The following LEMD1 variants were observed in gnomAD, a reference collection of about 807,000 sequenced individuals.
LEMD1 encodes the protein LEM domain containing 1, also known as LEM domain-containing protein 1.
Under a neutral mutation model 17.4 loss-of-function variants are expected in LEMD1, and 18 were observed. That is an observed-to-expected ratio of 1.04 (90% CI 0.72 to 1.54). The LOEUF is 1.54. Among genes scored for constraint, LEMD1 ranks in the 40% most tolerant of loss-of-function variants. LEMD1 has a pLI of 0.00. For missense variants in LEMD1, 195 were observed against 210.4 expected, an observed-to-expected ratio of 0.93 and a Z score of 0.45; for synonymous variants, 88 against 77.8, an observed-to-expected ratio of 1.13 and a Z score of -0.69.
chr1:205,394,285 T>C (rs568606844), intron 4 of LEMD1, among the ~76,000 whole-genome samples: 3 of 152,242 alleles, frequency 2.0e-5, no homozygotes, highest in African/African-American at 7.2e-5. Context: ...AAAAATGTTT[T>C]GGAACTAAAA....
At chr1:205,422,364 C>T (rs930287080), upstream of LEMD1, among the ~76,000 whole-genome samples, 65 of 152,252 alleles carry the variant, frequency 4.3e-4, no homozygotes, top group African/African-American at 1.5e-3. Context: ...TCTAGACCAC[C>T]CATCAAAAGG....
At chr1:205,408,861 A>AAAC (rs917399315) in intron 4 of LEMD1, among the ~76,000 whole-genome samples, 4 of 73,420 alleles carry the variant, frequency 5.4e-5, no homozygotes, top group East Asian at 4.9e-4. Context: ...TGACTTAAAC[A>AAAC]AACAACAACA....
At chr1:205,449,846 G>C (rs1666464430) in intron 1 of LEMD1, 1 of 152,556 alleles carries the variant, frequency 6.6e-6, no homozygotes, top group African/African-American at 2.4e-5. Flanking sequence ...GCCAGGGGCT[G>C]GGGGTCCCAG....
intron 1 of LEMD1, among the ~76,000 whole-genome samples, chr1:205,430,064 C>T (rs371182464): frequency 6.6e-6 from 1 of 152,328 alleles, no homozygotes; most frequent in East Asian, 1.9e-4. Context: ...GGCCAGGCAG[C>T]GTCTGTCTCA....
intron 3 of LEMD1, among the ~76,000 whole-genome samples, chr1:205,418,344 C>A (rs560559359): frequency 8.1e-4 from 123 of 152,252 alleles, no homozygotes; most frequent in Non-Finnish European, 1.5e-3. Context: ...AAGCTAGAAA[C>A]CACTGCAGGA....
chr1:205,446,935 T>TC (rs1205844379), intron 1 of LEMD1, among the ~76,000 whole-genome samples: 5 of 151,618 alleles, frequency 3.3e-5, no homozygotes, highest in Admixed American at 6.6e-5. Context: ...ATCCCCCCGC[T>TC]CCCCCCGACC....
At chr1:205,446,169 T>C (rs1348544357) in intron 1 of LEMD1, among the ~76,000 whole-genome samples, 2 of 152,214 alleles carry the variant, frequency 1.3e-5, no homozygotes, top group African/African-American at 2.4e-5. Flanking sequence ...TCAATGCAAT[T>C]GAACAATCAT....
At chr1:205,440,119 G>A (rs982860522) in intron 1 of LEMD1, among the ~76,000 whole-genome samples, 2 of 152,176 alleles carry the variant, frequency 1.3e-5, no homozygotes, top group Admixed American at 1.3e-4. Context: ...GGAGGGCACG[G>A]CTCAGTCCAG....
chr1:205,430,963 C>T (rs1031452988), intron 1 of LEMD1, among the ~76,000 whole-genome samples: 6 of 152,188 alleles, frequency 3.9e-5, no homozygotes, highest in African/African-American at 1.4e-4. Flanking sequence ...CAGCTCAATT[C>T]GGCTGAGGCT....
chr1:205,428,595 A>G (rs143538178), intron 1 of LEMD1, among the ~76,000 whole-genome samples: 1 of 152,298 alleles, frequency 6.6e-6, no homozygotes, highest in Non-Finnish European at 1.5e-5. Context: ...AGACAGACTG[A>G]TGTGACAGGG....
At chr1:205,420,379 A>G in intron 2 of LEMD1, 76 bp downstream of exon 2, 2 of 1,110,734 alleles carry the variant, frequency 1.8e-6, no homozygotes, top group Non-Finnish European at 2.8e-6. Context: ...GCTTTACTGC[A>G]TATGTTCCTT....
chr1:205,407,826 G>T (rs6421769), intron 4 of LEMD1, among the ~76,000 whole-genome samples: 44,658 of 152,006 alleles, frequency 0.29, 6,767 homozygotes, highest in African/African-American at 0.34. Context: ...GCTAACTCCA[G>T]GTCTATAGTG....
intron 4 of LEMD1, among the ~76,000 whole-genome samples, chr1:205,384,944 G>A (rs1231614878): frequency 6.6e-6 from 1 of 151,426 alleles, no homozygotes; most frequent in Non-Finnish European, 1.5e-5. Context: ...CACCTGCGAG[G>A]GAGCACTCCA....
intron 1 of LEMD1, chr1:205,437,562 C>T (rs1316444549): frequency 1.3e-5 from 2 of 152,294 alleles, no homozygotes; most frequent in East Asian, 1.9e-4. Flanking sequence ...TCTCACTTCT[C>T]AGAGCCACCA....
At chr1:205,408,639 A>T (rs1228779993) in intron 4 of LEMD1, among the ~76,000 whole-genome samples, 2 of 151,784 alleles carry the variant, frequency 1.3e-5, no homozygotes, top group Non-Finnish European at 2.9e-5. Context: ...CTGGGACCAC[A>T]GGTGCACACC....
intron 4 of LEMD1, among the ~76,000 whole-genome samples, chr1:205,406,446 A>C (rs1665111282): frequency 6.6e-6 from 1 of 152,154 alleles, no homozygotes; most frequent in Non-Finnish European, 1.5e-5. Flanking sequence ...GCCGCCTTGC[A>C]GTTTGATCTC....
intron 4 of LEMD1, among the ~76,000 whole-genome samples, chr1:205,400,839 T>TCCC (rs1288240118): frequency 1.9e-4 from 5 of 25,720 alleles, no homozygotes; most frequent in South Asian, 2.8e-3. Context: ...CCTAATGCTA[T>TCCC]CCCTCCCCCC....
chr1:205,429,134 C>G (rs1666093900), intron 1 of LEMD1, among the ~76,000 whole-genome samples: 1 of 152,252 alleles, frequency 6.6e-6, no homozygotes, highest in Non-Finnish European at 1.5e-5. Context: ...CCATCCCTTA[C>G]CCTCCACAGG....
chr1:205,399,935 T>C (rs1040951811), intron 4 of LEMD1, among the ~76,000 whole-genome samples: 1 of 152,216 alleles, frequency 6.6e-6, no homozygotes, highest in African/African-American at 2.4e-5. Flanking sequence ...GGAAGCTGAT[T>C]CAGGCAGAGT....
Sources: allele counts gnomAD v4.1 joint callset (sites outside exome capture counted in the v4.1 genomes callset), GRCh38; gene constraint gnomAD v4.1.1; transcripts MANE v1.5; gene names NCBI Gene and HGNC (gene_info 2026-07-23, HGNC 2026-07-21).